EFCAB11: variants seen among roughly 807,000 people sequenced by gnomAD.
EFCAB11 encodes the protein EF-hand calcium binding domain 11, also known as EF-hand calcium-binding domain-containing protein 11.
EFCAB11 carries 14 observed loss-of-function variants against 23.0 expected under a neutral mutation model. The observed-to-expected ratio is 0.61, with a 90% CI of 0.40 to 0.95. The LOEUF (loss-of-function observed/expected upper bound fraction) is 0.95, where lower values mean the gene tolerates loss of function less well. EFCAB11 is among the 40% of genes least tolerant of loss of function. EFCAB11 has a pLI of 0.00. For missense variants in EFCAB11, 198 were observed against 195.8 expected, an observed-to-expected ratio of 1.01 and a Z score of -0.07; for synonymous variants, 65 against 66.6, an observed-to-expected ratio of 0.98 and a Z score of 0.11.
chr14:89,951,654 T>TC (rs1176995038), intron 2 of EFCAB11, among the ~76,000 whole-genome samples: 2 of 151,692 alleles, frequency 1.3e-5, no homozygotes, highest in African/African-American at 4.9e-5. Flanking sequence ...ATGCCTGTAA[T>TC]CCCAGCACTT....
At chr14:89,827,544 T>C (rs1367002161) in intron 5 of EFCAB11, among the ~76,000 whole-genome samples, 1 of 151,298 alleles carries the variant, frequency 6.6e-6, no homozygotes, top group Non-Finnish European at 1.5e-5. Flanking sequence ...TATAGAAGGG[T>C]GAGTTTGGAG....
chr14:89,854,187 G>A (rs1887679973), intron 5 of EFCAB11, among the ~76,000 whole-genome samples: 1 of 149,208 alleles, frequency 6.7e-6, no homozygotes, highest in South Asian at 2.1e-4. Context: ...TGAATTTGCG[G>A]TTGTCTCTCA....
intron 5 of EFCAB11, among the ~76,000 whole-genome samples, chr14:89,900,162 A>G (rs1364346657): frequency 2.0e-5 from 3 of 152,232 alleles, no homozygotes; most frequent in Non-Finnish European, 4.4e-5. Flanking sequence ...AATGAAAGAC[A>G]CATGGATCAA....
intron 5 of EFCAB11, among the ~76,000 whole-genome samples, chr14:89,866,779 AT>A (rs1199060494): frequency 6.6e-6 from 1 of 152,126 alleles, no homozygotes; most frequent in East Asian, 1.9e-4. Context: ...TAATGATCTC[AT>A]TTTTAAAAAT....
intron 5 of EFCAB11, among the ~76,000 whole-genome samples, chr14:89,801,059 A>AG (rs71107563): frequency 0.42 from 57,661 of 138,548 alleles, 13,345 homozygotes; most frequent in Middle Eastern, 0.58. Flanking sequence ...AAAAAAAAAA[A>AG]AGAAGTACTG....
chr14:89,870,767 TAAAAAAAAA>T (rs56920547), intron 5 of EFCAB11, among the ~76,000 whole-genome samples: 2 of 102,972 alleles, frequency 1.9e-5, no homozygotes, highest in Non-Finnish European at 4.0e-5. Flanking sequence ...TCATCTCTAC[TAAAAAAAAA>T]AAAAAAAAAA....
chr14:89,924,136 A>G (rs879257963), intron 5 of EFCAB11: 1 of 985,924 alleles, frequency 1.0e-6, no homozygotes, highest in Non-Finnish European at 1.2e-6. Context: ...TAATACTCTG[A>G]TTTTGAAAAT....
At chr14:89,834,342 C>G (rs537429917) in intron 5 of EFCAB11, among the ~76,000 whole-genome samples, 2 of 138,496 alleles carry the variant, frequency 1.4e-5, no homozygotes, top group Non-Finnish European at 3.0e-5. Flanking sequence ...CACCACTGCA[C>G]TCCAGCCTGG....
intron 5 of EFCAB11, among the ~76,000 whole-genome samples, chr14:89,867,818 A>C (rs1888141012): frequency 6.6e-6 from 1 of 152,192 alleles, no homozygotes; most frequent in Non-Finnish European, 1.5e-5. Flanking sequence ...GGGAGGAGGC[A>C]GCTGGCGACT....
rs190793933 is a variant in EFCAB11 at position 89,810,122 on chromosome 14, G to A, written c.411-12798C>T. 3.3e-5 allele frequency among the ~76,000 whole-genome samples: 5 copies of A among 152,316 alleles called. No homozygotes were observed. The East Asian group carries it at 9.6e-4, about 29-fold the overall frequency. On this transcript the variant is annotated intron_variant, in intron 5 of 5. Coordinates refer to ENST00000316738, the MANE Select transcript of EFCAB11 (RefSeq NM_145231.4). ...TCACCTGCCTATGAACTTGCAGTGG[G>A]CAGAGGCCACCTATATCGTGTTCAC... is the stretch of plus-strand genomic sequence containing the variant.
intron 5 of EFCAB11, among the ~76,000 whole-genome samples, chr14:89,808,366 T>C (rs995803147): frequency 6.6e-6 from 1 of 152,192 alleles, no homozygotes; most frequent in Admixed American, 6.5e-5. Context: ...TAATTTACTG[T>C]ATAGATCTTG....
chr14:89,874,330 C>T (rs570933561), intron 5 of EFCAB11, among the ~76,000 whole-genome samples: 1 of 152,310 alleles, frequency 6.6e-6, no homozygotes, highest in African/African-American at 2.4e-5. Flanking sequence ...TCCTCCTAGG[C>T]CTCTGGGCCT....
intron 5 of EFCAB11, among the ~76,000 whole-genome samples, chr14:89,828,409 C>T (rs548792458): frequency 3.3e-5 from 5 of 152,076 alleles, no homozygotes; most frequent in African/African-American, 7.2e-5. Flanking sequence ...GACTTTTTTT[C>T]GTGAGAAAAT....
intron 5 of EFCAB11, chr14:89,892,301 G>T (rs1451990689): frequency 2.5e-6 from 4 of 1,613,696 alleles, no homozygotes; most frequent in Non-Finnish European, 3.4e-6. Context: ...GGCCTTTGAC[G>T]CCCTCACTGA....
At position 89,898,994 on chromosome 14, in the gene EFCAB11, A is replaced by T. The variant is rs199683016; in HGVS notation, c.410+32547T>A. Among the ~76,000 whole-genome samples, 10 of 152,158 alleles carry T rather than the reference A, an allele frequency of 6.6e-5. No individual in the cohort carries two copies. The East Asian group carries it at 1.9e-3, about 29-fold the overall frequency. ...TGGCCTGCAATTTTCTTTTATAAGT[A>T]TCATCATATGCAATTTAGTACTCAA... On this transcript the variant is annotated intron_variant, in intron 5 of 5. Transcript: ENST00000316738.
intron 5 of EFCAB11, among the ~76,000 whole-genome samples, chr14:89,808,235 T>A (rs1343208838): frequency 6.6e-6 from 1 of 152,190 alleles, no homozygotes; most frequent in Admixed American, 6.5e-5. Context: ...CTCCATCTAA[T>A]TAAAAGCGTA....
chr14:89,898,345 T>C (rs755245680), intron 5 of EFCAB11, among the ~76,000 whole-genome samples: 32 of 150,920 alleles, frequency 2.1e-4, no homozygotes, highest in Non-Finnish European at 4.3e-4. Context: ...TGTGATTTTC[T>C]TTTTCTCGTT....
chr14:89,858,139 C>T (rs12894508), intron 5 of EFCAB11, among the ~76,000 whole-genome samples: 95,178 of 152,006 alleles, frequency 0.63, 32,597 homozygotes, highest in Non-Finnish European at 0.79. Flanking sequence ...ATGGGGCTAC[C>T]TCTAGGCTCT....
chr14:89,922,200 C>T (rs1890040580), intron 5 of EFCAB11, among the ~76,000 whole-genome samples: 2 of 152,320 alleles, frequency 1.3e-5, no homozygotes, highest in African/African-American at 2.4e-5. Flanking sequence ...ACATCGGCCA[C>T]AACACTTGCT....
Sources: allele counts gnomAD v4.1 joint callset (sites outside exome capture counted in the v4.1 genomes callset), GRCh38; gene constraint gnomAD v4.1.1; transcripts MANE v1.5; gene names NCBI Gene and HGNC (gene_info 2026-07-23, HGNC 2026-07-21).